Variants in ZNF398 observed in about 807,000 individuals in gnomAD.
ZNF398 encodes zinc finger protein 398.
Under a neutral mutation model 41.9 loss-of-function variants are expected in ZNF398, and 18 were observed. That is an observed-to-expected ratio of 0.43 (90% CI 0.30 to 0.64). The LOEUF is 0.64. Ranked by LOEUF, ZNF398 falls within the 30% of genes least tolerant of loss-of-function variation. The probability of loss-of-function intolerance (pLI) is 0.14; values close to 1 mark genes in which losing one functional copy is unlikely to be tolerated. For synonymous variants in ZNF398, 260 were observed against 308.8 expected (o/e 0.84, Z 1.66); for missense variants, 669 against 822.8 (o/e 0.81, Z 2.29).
At chr7:149,158,876 T>G (rs370710589) in intron 2 of ZNF398, among the ~76,000 whole-genome samples, 2 of 150,950 alleles carry the variant, frequency 1.3e-5, no homozygotes, top group East Asian at 3.9e-4. Context: ...TTAAGAATAA[T>G]AGTAAAGGTA....
rs1795581188 is a variant in ZNF398, at chr7:149,181,153, G to A, written c.*1352G>A. 6.6e-6 allele frequency: 1 copy of A among 152,422 alleles called. No homozygotes were observed. Among genetic ancestry groups the A allele is most frequent in the Non-Finnish European group, 1.5e-5 (1 of 67,974 alleles). The allele number at this position is 152,422 out of a possible 1,614,324, so 9.4% of individuals were successfully genotyped here. On this transcript the variant is annotated 3_prime_UTR_variant, in exon 6 of 6. Coordinates refer to ENST00000475153, the MANE Select transcript of ZNF398 (RefSeq NM_170686.3). Reference sequence around the variant, plus strand: ...CATCTGCACAATGAGGCTGTTGAAAGGAAAAAAAGTGAGCCTCTAGGAATT... The same window carrying A: ...CATCTGCACAATGAGGCTGTTGAAAAGAAAAAAAGTGAGCCTCTAGGAATT...
At chr7:149,169,337 G>A (rs568066249) in intron 4 of ZNF398, among the ~76,000 whole-genome samples, 7 of 152,214 alleles carry the variant, frequency 4.6e-5, no homozygotes, top group Middle Eastern at 3.4e-3. Flanking sequence ...CACCCACCTC[G>A]GCCTCCTAAA....
rs752674614 is a variant in ZNF398, at chr7:149,182,091, A to T, written c.*2290A>T. On this transcript the variant is annotated 3_prime_UTR_variant, in exon 6 of 6. Transcript: ENST00000475153. ...ATACTTTTTTACTCAAAGATTTGCC[A>T]AGAACACAGCTTATTAGTGAAAGAG... is the stretch of plus-strand genomic sequence containing the variant. The T allele has an allele frequency of 2.0e-5, 3 of 152,204 alleles. No homozygotes were observed. The highest frequency in any genetic ancestry group is 2.9e-5 in the Non-Finnish European group (2 of 68,028). 9.4% of individuals were successfully genotyped at this position (152,204 alleles called of 1,614,324 possible). A position where few individuals can be genotyped will look rare whatever the true frequency, so the allele number is the denominator to read the frequency against.
intron 2 of ZNF398, among the ~76,000 whole-genome samples, chr7:149,136,124 A>AATTTATTTATTTATTT (rs58711080): frequency 5.0e-4 from 75 of 151,096 alleles, no homozygotes; most frequent in African/African-American, 1.7e-3. Flanking sequence ...TTATGTTTTA[A>AATTTATTTATTTATTT]ATTTATTTAT....
Position 149,147,751 on chromosome 7 carries a change from G to GGCGGCC in ZNF398, c.10_15dup (p.Ala4_Ala5dup), listed in dbSNP as rs1826987977. The GGCGGCC allele has an allele frequency of 7.2e-7, 1 of 1,383,256 alleles. No individual in the cohort carries two copies. Among genetic ancestry groups the GGCGGCC allele is most frequent in the African/African-American group, 1.5e-5 (1 of 65,904 alleles). 85.7% of individuals were successfully genotyped at this position (1,383,256 alleles called of 1,614,324 possible). A position where few individuals can be genotyped will look rare whatever the true frequency, so the allele number is the denominator to read the frequency against. On this transcript the variant is annotated inframe_insertion, in exon 1 of 6. Coordinates refer to ENST00000475153, the MANE Select transcript of ZNF398 (RefSeq NM_170686.3). The surrounding 1 kb of genome is among the most constrained non-coding windows in gnomAD (Gnocchi z 5.6). Reference sequence around the variant, plus strand: ...CTAGACAGCGCAGGGCCATGGCTGAGGCGGCCCCGGCCCCGGTAAGGGCGG... The same window carrying GGCGGCC: ...CTAGACAGCGCAGGGCCATGGCTGAGGCGGCCGCGGCCCCGGCCCCGGTAAGGGCGG...
chr7:149,143,141 A>AG (rs1826862424), upstream of ZNF398, among the ~76,000 whole-genome samples: 1 of 97,910 alleles, frequency 1.0e-5, no homozygotes, highest in African/African-American at 3.2e-5. Context: ...ACTCCATCTC[A>AG]AAAAAGAAAA....
chr7:149,179,379 A>G lies in ZNF398; in HGVS notation c.1507A>G (p.Met503Val), dbSNP rs1013761399. The change falls in exon 6 of 6, where the codon ATG (methionine) becomes GTG (valine). Residue 503 changes from methionine (M) to valine (V), a missense_variant. Physicochemically the swap from Met to Val is conservative, Grantham distance 21. Around this residue, in one of 3 missense-constraint regions of ZNF398, gnomAD observed 210 missense variants for 290.4 expected, o/e 0.72. Transcript: ENST00000475153. The surrounding 1 kb of genome is among the most constrained non-coding windows in gnomAD (Gnocchi z 6.1). ...NGHSALIRHQ[M>V]IHTGERPYPC... Reference sequence around the variant, plus strand: ...CCACTCGGCCCTGATCCGCCACCAGATGATCCACACAGGCGAGCGTCCTTA... The same window carrying G: ...CCACTCGGCCCTGATCCGCCACCAGGTGATCCACACAGGCGAGCGTCCTTA... The G allele has an allele frequency of 6.8e-6, 11 of 1,611,476 alleles. No individual in the cohort carries two copies. The highest frequency in any genetic ancestry group is 8.5e-6 in the Non-Finnish European group (10 of 1,179,324).
chr7:149,163,895 T>G (rs1388876061), intron 2 of ZNF398, among the ~76,000 whole-genome samples: 2 of 149,898 alleles, frequency 1.3e-5, no homozygotes, highest in Non-Finnish European at 3.0e-5. Context: ...GGTGAATCAT[T>G]TGAGGTCAGG....
At chr7:149,167,909 T>A (rs972282434) in intron 4 of ZNF398, among the ~76,000 whole-genome samples, 14 of 151,678 alleles carry the variant, frequency 9.2e-5, no homozygotes, top group African/African-American at 2.9e-4. Flanking sequence ...CCGCCACATT[T>A]ATTTTTTTCT....
intron 4 of ZNF398, among the ~76,000 whole-genome samples, chr7:149,173,091 CTATTTTTTTT>C (rs1289828991): frequency 1.5e-5 from 1 of 67,182 alleles, no homozygotes; most frequent in African/African-American, 5.3e-5. Context: ...GTGGCAATTT[CTATTTTTTTT>C]TTTTTTTTTT....
At chr7:149,156,112 G>A (rs1167444340) in intron 2 of ZNF398, among the ~76,000 whole-genome samples, 2 of 152,096 alleles carry the variant, frequency 1.3e-5, no homozygotes, top group Admixed American at 1.3e-4. Flanking sequence ...AAATACTAAG[G>A]CAGGGAGGGA....
chr7:149,169,274 G>A (rs1194336837), intron 4 of ZNF398, among the ~76,000 whole-genome samples: 2 of 152,044 alleles, frequency 1.3e-5, no homozygotes, highest in Non-Finnish European at 2.9e-5. Flanking sequence ...TAGTAACGAT[G>A]GGGTTTTGCC....
At chr7:149,166,061 G>A in intron 2 of ZNF398, 97 bp from the exon 3 acceptor site, 1 of 1,355,910 alleles carries the variant, frequency 7.4e-7, no homozygotes, top group Middle Eastern at 2.0e-4. Flanking sequence ...ACCACCCTTT[G>A]AAAATGTAAA....
intron 1 of ZNF398, among the ~76,000 whole-genome samples, chr7:149,126,825 C>G (rs919688709): frequency 6.6e-6 from 1 of 152,228 alleles, no homozygotes. Flanking sequence ...GTGTGGGCCC[C>G]GGGCATGTCC....
At chr7:149,148,234 C>T in intron 1 of ZNF398, 1 of 164,760 alleles carries the variant, frequency 6.1e-6, no homozygotes, top group Non-Finnish European at 1.3e-5. Context: ...CTCCCGGCAC[C>T]GGACTCGGGA....
exon 1 of ZNF398, chr7:149,126,431 G>A (rs1035576584): frequency 6.9e-5 from 57 of 831,172 alleles, no homozygotes; most frequent in Non-Finnish European, 8.1e-5. Flanking sequence ...CCTCAGAGGA[G>A]GGGCCCGGGC....
chr7:149,167,000 C>T (rs1412722510), intron 4 of ZNF398, 70 bp downstream of exon 4: 1 of 1,135,722 alleles, frequency 8.8e-7, no homozygotes, highest in Non-Finnish European at 1.3e-6. Flanking sequence ...CAGAGCTAAG[C>T]AGGGCTTAGG....
At chr7:149,133,997 C>T (rs551715075) in intron 2 of ZNF398, among the ~76,000 whole-genome samples, 18 of 149,894 alleles carry the variant, frequency 1.2e-4, no homozygotes, top group African/African-American at 4.1e-4. Flanking sequence ...GTGATCTGCC[C>T]GCCTTGGCTT....
chr7:149,177,167 C>T (rs543044486), intron 5 of ZNF398, among the ~76,000 whole-genome samples: 2 of 151,764 alleles, frequency 1.3e-5, no homozygotes, highest in South Asian at 4.2e-4. Context: ...GACTGGGAAA[C>T]ACAAATGAAA....
Sources: allele counts gnomAD v4.1 joint callset (sites outside exome capture counted in the v4.1 genomes callset), GRCh38; gene constraint gnomAD v4.1.1; regional missense constraint gnomAD v4.1.1; non-coding constraint Gnocchi (gnomAD v3.1); transcripts MANE v1.5; gene names NCBI Gene and HGNC (gene_info 2026-07-23, HGNC 2026-07-21).